SNCAIP: variants seen among roughly 807,000 people sequenced by gnomAD.
SNCAIP encodes the protein synphilin-1.
In SNCAIP, 43 loss-of-function variants were observed where a neutral mutation model predicts 86.7. The observed-to-expected ratio is 0.50, with a 90% CI of 0.39 to 0.64. SNCAIP has a LOEUF of 0.64. Ranked by LOEUF, SNCAIP falls within the 30% of genes least tolerant of loss-of-function variation. The pLI is 0.00. For missense variants in SNCAIP, 981 were observed against 1,103.1 expected (o/e 0.89, Z 1.57); for synonymous variants, 417 against 427.2 (o/e 0.98, Z 0.29).
chr5:122,353,932 G>A lies in SNCAIP; in HGVS notation c.-46-37157G>A, dbSNP rs559003719. Among the ~76,000 whole-genome samples, 14 of 152,262 alleles carry A rather than the reference G, an allele frequency of 9.2e-5. No homozygotes were observed. The East Asian group carries it at 2.7e-3, about 29-fold the overall frequency. ...GGTTTAACCAAATCACCACGTTAGG[G>A]CTGAAGAAAGGCGAGCTCCTCCAGA... On this transcript the variant is annotated intron_variant, in intron 1 of 10. Transcript: ENST00000261368.
At chr5:122,412,410 G>A (rs1041314622) in intron 3 of SNCAIP, among the ~76,000 whole-genome samples, 1 of 152,006 alleles carries the variant, frequency 6.6e-6, no homozygotes, top group Non-Finnish European at 1.5e-5. Flanking sequence ...CATCTTTCTT[G>A]ACCTGTCAGC....
At chr5:122,319,704 A>G (rs1448881510) in intron 1 of SNCAIP, among the ~76,000 whole-genome samples, 3 of 152,244 alleles carry the variant, frequency 2.0e-5, no homozygotes, top group Non-Finnish European at 4.4e-5. Flanking sequence ...ATCTGTTTTA[A>G]AAGCTGATGC....
At chr5:122,441,527 G>T (rs1316338596) in intron 7 of SNCAIP, among the ~76,000 whole-genome samples, 2 of 152,172 alleles carry the variant, frequency 1.3e-5, no homozygotes, top group African/African-American at 4.8e-5. Flanking sequence ...GGTGCTCCAA[G>T]AAAGCTCCCT....
chr5:122,428,008 T>C (rs566644124), intron 5 of SNCAIP, among the ~76,000 whole-genome samples: 2 of 152,364 alleles, frequency 1.3e-5, no homozygotes, highest in South Asian at 4.1e-4. Flanking sequence ...TTATTGAGTT[T>C]TCTTTAGAAA....
rs1164230059 is a variant in SNCAIP, at chr5:122,423,145, C to T, written c.408C>T (p.Pro136=). The T allele has an allele frequency of 1.9e-6, 3 of 1,614,042 alleles. No individual in the cohort carries two copies. Among genetic ancestry groups the T allele is most frequent in the Non-Finnish European group, 2.5e-6 (3 of 1,180,032 alleles). The part of the protein sequence containing the change: ...VGGPPGKSSE[P]STSLGELEHY... ...GCCCACCAGGTAAGAGCTCTGAGCC[C>T]AGCACATCGCTGGGTGAACTGGAGC... Residue 136 remains proline (P), a synonymous_variant, in exon 4 of 11, where the codon CCC becomes CCT. Coordinates refer to ENST00000261368, the MANE Select transcript of SNCAIP (RefSeq NM_005460.4).
chr5:122,323,223 A>G (rs1753343510), intron 1 of SNCAIP: 3 of 152,200 alleles, frequency 2.0e-5, no homozygotes, highest in Admixed American at 2.0e-4. Flanking sequence ...CTGCAGACAT[A>G]AGCACACTTA....
chr5:122,339,393 T>C (rs80283845), intron 1 of SNCAIP, among the ~76,000 whole-genome samples: 5 of 152,310 alleles, frequency 3.3e-5, no homozygotes, highest in African/African-American at 1.2e-4. Context: ...ATCTTCAAAA[T>C]AGAATCAAAA....
chr5:122,324,306 G>T lies in SNCAIP; in HGVS notation c.-47+12022G>T, dbSNP rs551282743. Among the ~76,000 whole-genome samples the T allele has an allele frequency of 2.0e-5, 3 of 152,302 alleles. No homozygotes were observed. In the South Asian group the frequency reaches 6.2e-4, roughly 32 times the overall value. On this transcript the variant is annotated intron_variant, in intron 1 of 10. Transcript: ENST00000261368. ...GAACAACCTGGATAGAATTAGGGAAGGGTCCTGCTGGGGACCAGGATCACC... is the reference window on the plus strand; with the variant it reads ...GAACAACCTGGATAGAATTAGGGAATGGTCCTGCTGGGGACCAGGATCACC...
chr5:122,409,671 T>C (rs539518331), intron 3 of SNCAIP, among the ~76,000 whole-genome samples: 13 of 152,338 alleles, frequency 8.5e-5, no homozygotes, highest in South Asian at 2.1e-4. Context: ...GCTATATTTT[T>C]GAACCCTGTG....
chr5:122,334,331 C>T (rs1367793560), intron 1 of SNCAIP, among the ~76,000 whole-genome samples: 1 of 151,906 alleles, frequency 6.6e-6, no homozygotes, highest in Non-Finnish European at 1.5e-5. Flanking sequence ...ACACAGCCAG[C>T]AAGAGGCCTG....
At chr5:122,397,343 T>A (rs1770831426) in intron 2 of SNCAIP, among the ~76,000 whole-genome samples, 1 of 152,158 alleles carries the variant, frequency 6.6e-6, no homozygotes, top group South Asian at 2.1e-4. Flanking sequence ...AATACTGTGA[T>A]CTTACCACAT....
At chr5:122,398,766 C>T (rs773357205) in intron 2 of SNCAIP, among the ~76,000 whole-genome samples, 16 of 152,136 alleles carry the variant, frequency 1.1e-4, no homozygotes, top group Non-Finnish European at 2.1e-4. Flanking sequence ...TGCTCATTCG[C>T]TTAGTCGGCT....
At position 122,444,384 on chromosome 5, in the gene SNCAIP, A is replaced by G. The variant is rs1328678410; in HGVS notation, c.1423-179A>G. 13 of 669,718 alleles carry G rather than the reference A, an allele frequency of 1.9e-5. No homozygotes were observed. In the East Asian group the frequency reaches 3.5e-4, roughly 18 times the overall value. The allele number at this position is 669,718 out of a possible 1,614,324, so 41.5% of individuals were successfully genotyped here. On this transcript the variant is annotated intron_variant, in intron 7 of 10. Coordinates refer to ENST00000261368, the MANE Select transcript of SNCAIP (RefSeq NM_005460.4). ...CTCCTTATGTGGGCTGCAGATGAGC[A>G]TTGATAGTAGTAGGACTGGCTCTGC...
intron 2 of SNCAIP, among the ~76,000 whole-genome samples, chr5:122,402,956 G>A (rs1772135764): frequency 6.6e-6 from 1 of 152,124 alleles, no homozygotes. Flanking sequence ...CTTGGCCTTT[G>A]ATTAAAGAAC....
Position 122,436,949 on chromosome 5 carries a change from A to C in SNCAIP, c.1297-3680A>C, listed in dbSNP as rs886325741. ...TATAAGAGGAGTTTTCAGTCAGTAC[A>C]TGAAGGTTGAATGGATAAGTGGATA... On this transcript the variant is annotated intron_variant, in intron 6 of 10. Transcript: ENST00000261368. 4.6e-5 allele frequency: 7 copies of C among 152,230 alleles called. 1 individual carries two copies. Among genetic ancestry groups the C allele is most frequent in the African/African-American group, 1.7e-4 (7 of 41,464 alleles). 9.4% of individuals were successfully genotyped at this position (152,230 alleles called of 1,614,324 possible). A position where few individuals can be genotyped will look rare whatever the true frequency, so the allele number is the denominator to read the frequency against.
intron 7 of SNCAIP, among the ~76,000 whole-genome samples, chr5:122,443,277 G>T (rs2152978719): frequency 6.6e-6 from 1 of 152,288 alleles, no homozygotes; most frequent in South Asian, 2.1e-4. Context: ...ATCCAGGTTT[G>T]CAGTCTCATC....
At chr5:122,459,516 A>C (rs1785602647) in intron 10 of SNCAIP, among the ~76,000 whole-genome samples, 1 of 152,166 alleles carries the variant, frequency 6.6e-6, no homozygotes, top group African/African-American at 2.4e-5. Context: ...GAATACTGTT[A>C]ATTTGGGACT....
At chr5:122,401,931 A>G (rs1242972198) in intron 2 of SNCAIP, among the ~76,000 whole-genome samples, 2 of 152,248 alleles carry the variant, frequency 1.3e-5, no homozygotes, top group Non-Finnish European at 2.9e-5. Flanking sequence ...GATGGCAGTT[A>G]GGAAGCATGT....
intron 2 of SNCAIP, among the ~76,000 whole-genome samples, chr5:122,392,246 G>A (rs1256651781): frequency 3.9e-5 from 6 of 151,964 alleles, no homozygotes; most frequent in African/African-American, 2.4e-5. Context: ...ACTTGGATGA[G>A]TCTTTTTTTT....
Sources: gnomAD v4.1 joint callset for allele counts (sites outside exome capture counted in the v4.1 genomes callset) on GRCh38, gnomAD v4.1.1 for gene constraint, MANE v1.5 for transcripts, NCBI Gene and HGNC (gene_info 2026-07-23, HGNC 2026-07-21) for gene names.